Variants in STK11IP observed in about 807,000 individuals in gnomAD.
STK11IP encodes serine/threonine kinase 11 interacting protein.
STK11IP carries 103 observed loss-of-function variants against 131.7 expected under a neutral mutation model. The ratio of observed to expected loss-of-function variants is 0.78; its 90% CI spans 0.67 to 0.92. The LOEUF is 0.92. Among genes scored for constraint, STK11IP ranks in the 40% least tolerant of loss-of-function variants. The pLI, the probability that STK11IP is intolerant of heterozygous loss-of-function variation, is 0.00. For synonymous variants in STK11IP, 557 were observed against 575.6 expected (o/e 0.97, Z 0.46); for missense variants, 1,315 against 1,385.7 (o/e 0.95, Z 0.81).
In STK11IP at chr2:219,609,527, G is replaced by C. The variant is rs1438359599; in HGVS notation, c.2091G>C (p.Leu697=). 1 of 1,568,536 alleles carries C rather than the reference G, an allele frequency of 6.4e-7. No individual in the cohort carries two copies. Among genetic ancestry groups the C allele is most frequent in the Non-Finnish European group, 8.6e-7 (1 of 1,156,142 alleles). ...GLDSEEGWRP[L]FQKTESPAVC... ...ACAGTGAGGAAGGCTGGAGGCCTCTGTTCCAAAAGACAGGTACAAGTCCTG... is the reference window on the plus strand; with the variant it reads ...ACAGTGAGGAAGGCTGGAGGCCTCTCTTCCAAAAGACAGGTACAAGTCCTG... The change falls in exon 17 of 25, where the codon CTG becomes CTC. Residue 697 remains leucine (L), a synonymous_variant. Coordinates refer to ENST00000456909, the MANE Select transcript of STK11IP (RefSeq NM_052902.4).
Position 219,606,304 on chromosome 2 carries a change from C to T in STK11IP, c.945+14C>T. 6.4e-7 allele frequency: 1 copy of T among 1,557,718 alleles called. No homozygotes were observed. Among genetic ancestry groups the T allele is most frequent in the Admixed American group, 1.9e-5 (1 of 51,784 alleles). Reference sequence around the variant, plus strand: ...GCTGCTACTGGCGTGAGTGATCGTCCTGTGTCCACTCTTCTTCCCCTTTCC... The same window carrying T: ...GCTGCTACTGGCGTGAGTGATCGTCTTGTGTCCACTCTTCTTCCCCTTTCC... On this transcript the variant is annotated intron_variant, in intron 10 of 24. Transcript: ENST00000456909.
intron 8 of STK11IP, 109 bp from the exon 9 acceptor site, chr2:219,605,847 A>AG: frequency 6.7e-7 from 1 of 1,489,822 alleles, no homozygotes; most frequent in Non-Finnish European, 9.1e-7. Flanking sequence ...TGGGGAGTGC[A>AG]GGGGTGCTCT....
At position 219,602,455 on chromosome 2, in the gene STK11IP, T is replaced by C. The variant is rs1393034873; in HGVS notation, c.439-13T>C. 6.2e-7 allele frequency: 1 copy of C among 1,600,348 alleles called. No individual in the cohort carries two copies. The highest frequency in any genetic ancestry group is 2.2e-5 in the East Asian group (1 of 44,830). The stretch of plus-strand genomic sequence containing the variant: ...GGAGGGTGGGGTAATGAAGCACCCA[T>C]CTGTCTGCTCAGGAGCTCCTCTCAG... On this transcript the variant is annotated splice_polypyrimidine_tract_variant and intron_variant, in intron 5 of 24. Transcript: ENST00000456909.
chr2:219,609,119 C>G lies in STK11IP; in HGVS notation c.1832C>G (p.Ala611Gly). 3 of 1,604,780 alleles carry G rather than the reference C, an allele frequency of 1.9e-6. No individual in the cohort carries two copies. The highest frequency in any genetic ancestry group is 2.6e-6 in the Non-Finnish European group (3 of 1,175,800). Residue 611 changes from alanine (A) to glycine (G), a missense_variant, in exon 16 of 25, where the codon GCC (alanine) becomes GGC (glycine). Physicochemically the swap from Ala to Gly is moderately conservative, Grantham distance 60. Coordinates refer to ENST00000456909, the MANE Select transcript of STK11IP (RefSeq NM_052902.4). ...RPTGSDLLPGAPILSLRFSYI... is the reference protein window; with the variant it reads ...RPTGSDLLPGGPILSLRFSYI... ...CAGGGCTCAGATCTGCTCCCTGGAG[C>G]CCCCATCCTCAGTCTGCGCTTCTCC... is the stretch of plus-strand genomic sequence containing the variant.
At chr2:219,601,617 A>G in intron 3 of STK11IP, 24 bp from the exon 4 acceptor site, 1 of 1,453,688 alleles carries the variant, frequency 6.9e-7, no homozygotes, top group Non-Finnish European at 9.3e-7. Context: ...GCCTCAGTAA[A>G]TTGAGTTTTT....
Position 219,613,838 on chromosome 2 carries a change from G to T in STK11IP, c.2624G>T (p.Ser875Ile). ...ATAGAGCTGGGCCTGGCAGGCCAGA[G>T]CCTGCGGCTAGAGTGGGCAGCTGGG... is the stretch of plus-strand genomic sequence containing the variant. ...SGIELGLAGQSLRLEWAAGAG... is the reference protein window; with the variant it reads ...SGIELGLAGQILRLEWAAGAG... The change falls in exon 21 of 25, where the codon AGC (serine) becomes ATC (isoleucine). Residue 875 changes from serine (S) to isoleucine (I), a missense_variant. Physicochemically the swap from Ser to Ile is moderately radical, Grantham distance 142 (BLOSUM62 -2). Transcript: ENST00000456909. 1 of 1,612,230 alleles carries T rather than the reference G, an allele frequency of 6.2e-7. No individual in the cohort carries two copies. The highest frequency in any genetic ancestry group is 1.1e-5 in the South Asian group (1 of 91,086).
rs73089150 is a variant in STK11IP, at chr2:219,609,697, C to T, written c.2104+157C>T. The T allele has an allele frequency of 3.3e-3, 2,671 of 803,392 alleles. 42 individuals carry two copies. In the African/African-American group the frequency reaches 0.042, roughly 13 times the overall value. The allele number at this position is 803,392 out of a possible 1,614,324, so 49.8% of individuals were successfully genotyped here. A position where few individuals can be genotyped will look rare whatever the true frequency, so the allele number is the denominator to read the frequency against. On this transcript the variant is annotated intron_variant, in intron 17 of 24. Coordinates refer to ENST00000456909, the MANE Select transcript of STK11IP (RefSeq NM_052902.4). The stretch of plus-strand genomic sequence containing the variant: ...GAGGAAAAAGAAAACCGTCTGCCTG[C>T]TGCATTTACAAAAAGGAAAACAGAA...
chr2:219,605,896 C>T (rs1698134990), intron 8 of STK11IP, 60 bp from the exon 9 acceptor site: 1 of 1,490,180 alleles, frequency 6.7e-7, no homozygotes, highest in Non-Finnish European at 9.2e-7. Flanking sequence ...AGTGCATGCA[C>T]CACACTCACT....
chr2:219,598,220 A>G, intron 2 of STK11IP, 40 bp downstream of exon 2: 1 of 1,456,100 alleles, frequency 6.9e-7, no homozygotes, highest in Admixed American at 2.3e-5. Flanking sequence ...CGGACCTCGG[A>G]CGAGGTGGGG....
At chr2:219,613,292 T>TTGGGGGGAGAGGGGGGAGG in intron 20 of STK11IP, 67 bp downstream of exon 20, 2 of 16,932 alleles carry the variant, frequency 1.2e-4, no homozygotes, top group Non-Finnish European at 2.3e-4. Context: ...GATGGGGGAG[T>TTGGGGGGAGAGGGGGGAGG]GAGGGGGAAG....
chr2:219,598,677 A>G (rs1047178346), intron 2 of STK11IP, among the ~76,000 whole-genome samples: 1 of 152,184 alleles, frequency 6.6e-6, no homozygotes, highest in Non-Finnish European at 1.5e-5. Flanking sequence ...TAATTCATGT[A>G]TTTAGTACAA....
chr2:219,606,486 A>T lies in STK11IP; in HGVS notation c.956A>T (p.Asp319Val), dbSNP rs773029570. 4 of 1,611,834 alleles carry T rather than the reference A, an allele frequency of 2.5e-6. No homozygotes were observed. The East Asian group carries it at 8.9e-5, about 36-fold the overall frequency. The change falls in exon 11 of 25, where the codon GAT becomes GTT. Residue 319 changes from aspartate (D) to valine (V), a missense_variant. Physicochemically the swap from Asp to Val is radical, Grantham distance 152 (BLOSUM62 -3). Coordinates refer to ENST00000456909, the MANE Select transcript of STK11IP (RefSeq NM_052902.4). ...TTTGTCTTTGCTCAGTTCCTTCTCG[A>T]TGGCAAGGTCTTGTCACTGACAGAT... The part of the protein sequence containing the change: ...ARDAATGFLL[D>V]GKVLSLTDFQ...
At chr2:219,608,888 G>T in intron 15 of STK11IP, 100 bp downstream of exon 15, 1 of 1,323,194 alleles carries the variant, frequency 7.6e-7, no homozygotes. Context: ...TCTCTCCTTG[G>T]CACTAGGAGC....
intron 24 of STK11IP, 136 bp from the exon 25 acceptor site, chr2:219,615,908 G>A: frequency 9.0e-7 from 1 of 1,110,860 alleles, no homozygotes. Flanking sequence ...TCTTTTATGG[G>A]GAGTGACATG....
At chr2:219,606,105 AC>A (rs35440832) in intron 9 of STK11IP, 46 bp downstream of exon 9, 145 of 1,547,670 alleles carry the variant, frequency 9.4e-5, no homozygotes, top group Middle Eastern at 8.4e-4. Flanking sequence ...CCTTGCACGT[AC>A]CCCCCCATGC....
chr2:219,605,231 C>T (rs904764842), intron 7 of STK11IP, among the ~76,000 whole-genome samples: 1 of 152,216 alleles, frequency 6.6e-6, no homozygotes, highest in Admixed American at 6.5e-5. Flanking sequence ...ACATGAAACC[C>T]ATCTGAGTTT....
At chr2:219,612,144 ACTCTAGAGACCT>A in intron 19 of STK11IP, 86 bp downstream of exon 19, 1 of 1,243,782 alleles carries the variant, frequency 8.0e-7, no homozygotes, top group South Asian at 1.3e-5. Context: ...CAGATCAAGC[ACTCTAGAGACCT>A]GATCTGGCTT....
rs774185385 is a variant in STK11IP, at chr2:219,606,875, G to A, written c.1134+17G>A. 6.9e-6 allele frequency: 11 copies of A among 1,599,564 alleles called. No individual in the cohort carries two copies. Among genetic ancestry groups the A allele is most frequent in the Admixed American group, 3.4e-5 (2 of 58,870 alleles). ...AAGGTTAAGGTAAGCAGCGTCCTCC[G>A]CTGCCTTGTGCCTGCGGTTGGGTGT... On this transcript the variant is annotated intron_variant, in intron 12 of 24. Transcript: ENST00000456909.
chr2:219,606,969 T>G, intron 12 of STK11IP, 84 bp from the exon 13 acceptor site: 1 of 1,603,388 alleles, frequency 6.2e-7, no homozygotes, highest in Non-Finnish European at 8.5e-7. Context: ...GGTCAAGGTT[T>G]CTTTGATAGG....
Sources: gnomAD v4.1 joint callset for allele counts (sites outside exome capture counted in the v4.1 genomes callset) on GRCh38, gnomAD v4.1.1 for gene constraint, MANE v1.5 for transcripts, NCBI Gene and HGNC (gene_info 2026-07-23, HGNC 2026-07-21) for gene names.